DIAPH2: variants seen among roughly 807,000 people sequenced by gnomAD.
DIAPH2 encodes the protein protein diaphanous homolog 2.
A neutral mutation model predicts 92.7 loss-of-function variants in DIAPH2; 35 were observed. The observed-to-expected ratio is 0.38, with a 90% CI of 0.29 to 0.50. The LOEUF is 0.50. Among genes scored for constraint, DIAPH2 ranks in the 20% least tolerant of loss-of-function variants. DIAPH2 has a pLI of 0.94. For synonymous variants in DIAPH2, 301 were observed against 280.4 expected, an observed-to-expected ratio of 1.07 and a Z score of -0.73; for missense variants, 701 against 819.5, an observed-to-expected ratio of 0.86 and a Z score of 1.77.
intron 4 of DIAPH2, among the ~76,000 whole-genome samples, chrX:96,837,502 T>A (rs1473386834): frequency 2.0e-5 from 2 of 102,221 alleles, no homozygotes; most frequent in Non-Finnish European, 3.9e-5. Flanking sequence ...GTCAAGGAAA[T>A]AACTACAAGA....
intron 17 of DIAPH2, among the ~76,000 whole-genome samples, chrX:97,052,198 G>A (rs780801936): frequency 3.6e-5 from 4 of 111,343 alleles, no homozygotes; most frequent in Admixed American, 1.9e-4. Context: ...AGACATGGGC[G>A]TCATCATGGA....
At chrX:96,974,734 T>A (rs2065949828) in intron 17 of DIAPH2, among the ~76,000 whole-genome samples, 1 of 111,490 alleles carries the variant, frequency 9.0e-6, no homozygotes, top group African/African-American at 3.3e-5. Context: ...TTTGGGGGCA[T>A]AGAATCATCA....
chrX:97,408,171 G>A lies in DIAPH2; in HGVS notation c.3146-21479G>A, dbSNP rs183314071. Among the ~76,000 whole-genome samples the A allele has an allele frequency of 5.7e-3, 636 of 111,172 alleles. 2 individuals carry two copies. The highest frequency in any genetic ancestry group is 0.02 in the African/African-American group (603 of 30,685). On this transcript the variant is annotated intron_variant, in intron 25 of 26. Coordinates refer to ENST00000324765, the MANE Select transcript of DIAPH2 (RefSeq NM_006729.5). Reference sequence around the variant, plus strand: ...GTAATTATAGATTTCCTCTAATGAAGCACCCTATGCTTTATTGCCCTGGGT... The same window carrying A: ...GTAATTATAGATTTCCTCTAATGAAACACCCTATGCTTTATTGCCCTGGGT...
chrX:96,965,850 C>T (rs746620855), intron 17 of DIAPH2, among the ~76,000 whole-genome samples: 4 of 111,239 alleles, frequency 3.6e-5, no homozygotes, highest in African/African-American at 9.7e-5. Flanking sequence ...CATAATAGAT[C>T]GTTATGGTTC....
intron 17 of DIAPH2, among the ~76,000 whole-genome samples, chrX:97,013,503 TACAAC>T (rs2066241200): frequency 8.9e-6 from 1 of 112,326 alleles, no homozygotes. Flanking sequence ...AAGATGGCTG[TACAAC>T]AGACCAAGGC....
At chrX:97,553,555 C>CA (rs1246131057) in intron 26 of DIAPH2, among the ~76,000 whole-genome samples, 2 of 109,737 alleles carry the variant, frequency 1.8e-5, no homozygotes, top group African/African-American at 6.6e-5. Flanking sequence ...GAAAAGTATT[C>CA]AAGTCCAGTG....
chrX:96,898,553 G>T (rs1484775599), intron 5 of DIAPH2, among the ~76,000 whole-genome samples: 1 of 100,625 alleles, frequency 9.9e-6, no homozygotes, highest in South Asian at 5.3e-4. Flanking sequence ...CATGTCCTTC[G>T]CCCACTTTTT....
intron 23 of DIAPH2, among the ~76,000 whole-genome samples, chrX:97,301,215 T>C (rs1006229795): frequency 1.9e-5 from 2 of 107,280 alleles, no homozygotes; most frequent in Admixed American, 2.0e-4. Flanking sequence ...ATAAATTGGA[T>C]GTATACGTTT....
At chrX:97,264,324 ATTGT>A (rs988954969) in intron 23 of DIAPH2, among the ~76,000 whole-genome samples, 4 of 111,119 alleles carry the variant, frequency 3.6e-5, no homozygotes, top group Admixed American at 9.7e-5. Context: ...GGCACAGATG[ATTGT>A]TTGGCCCCTT....
intron 17 of DIAPH2, among the ~76,000 whole-genome samples, chrX:96,984,040 A>G (rs2066015117): frequency 8.9e-6 from 1 of 111,817 alleles, no homozygotes; most frequent in African/African-American, 3.2e-5. Context: ...GCAAATGGTT[A>G]TAAATGGGTA....
At chrX:96,929,421 A>G (rs1361658547) in intron 9 of DIAPH2, among the ~76,000 whole-genome samples, 1 of 111,275 alleles carries the variant, frequency 9.0e-6, no homozygotes, top group Non-Finnish European at 1.9e-5. Flanking sequence ...ATATTGTTGT[A>G]TCATTCAGAT....
intron 4 of DIAPH2, among the ~76,000 whole-genome samples, chrX:96,813,695 A>AG (rs1345842496): frequency 9.0e-6 from 1 of 111,618 alleles, no homozygotes; most frequent in African/African-American, 3.3e-5. Flanking sequence ...TGCTTCCTTC[A>AG]GGAGCTCTTG....
intron 26 of DIAPH2, among the ~76,000 whole-genome samples, chrX:97,477,910 T>A (rs2070623468): frequency 9.0e-6 from 1 of 111,387 alleles, no homozygotes; most frequent in Admixed American, 9.6e-5. Context: ...TTAGATTTAA[T>A]GCCTAGGTAA....
chrX:97,212,156 A>G (rs2067845376), intron 22 of DIAPH2, among the ~76,000 whole-genome samples: 1 of 111,913 alleles, frequency 8.9e-6, no homozygotes, highest in South Asian at 3.7e-4. Context: ...TATTTGAGAC[A>G]ATATGGTATG....
intron 17 of DIAPH2, among the ~76,000 whole-genome samples, chrX:96,980,216 G>A (rs2065986345): frequency 9.0e-6 from 1 of 111,498 alleles, no homozygotes; most frequent in South Asian, 3.8e-4. Context: ...TCACACAATT[G>A]AATTTAAGGA....
intron 22 of DIAPH2, among the ~76,000 whole-genome samples, chrX:97,198,265 TACAC>T (rs200339851): frequency 0.022 from 1,925 of 88,965 alleles, 19 homozygotes; most frequent in African/African-American, 0.057. Flanking sequence ...AACAACAAAA[TACAC>T]ACACACACAC....
chrX:97,495,014 T>C (rs2070749164), intron 26 of DIAPH2, among the ~76,000 whole-genome samples: 2 of 112,570 alleles, frequency 1.8e-5, no homozygotes, highest in Non-Finnish European at 3.8e-5. Context: ...TGAGGTGAGA[T>C]AGAAACTAGC....
intron 4 of DIAPH2, among the ~76,000 whole-genome samples, chrX:96,866,104 T>A (rs757248389): frequency 4.2e-4 from 47 of 111,599 alleles, no homozygotes; most frequent in Middle Eastern, 4.6e-3. Context: ...AATGTGTTGG[T>A]TGCTTTTGTA....
chrX:96,840,872 C>T (rs2147701555), intron 4 of DIAPH2, among the ~76,000 whole-genome samples: 1 of 111,382 alleles, frequency 9.0e-6, no homozygotes, highest in Non-Finnish European at 1.9e-5. Flanking sequence ...CTCGGCCTCC[C>T]AAAGTGCTGG....
Sources: allele counts gnomAD v4.1 joint callset (sites outside exome capture counted in the v4.1 genomes callset), GRCh38; gene constraint gnomAD v4.1.1; transcripts MANE v1.5; gene names NCBI Gene and HGNC (gene_info 2026-07-23, HGNC 2026-07-21).